Variants in ENTR1 observed in about 807,000 individuals in gnomAD.
ENTR1 encodes endosome-associated-trafficking regulator 1.
A neutral mutation model predicts 47.9 loss-of-function variants in ENTR1; 47 were observed. That is an observed-to-expected ratio of 0.98 (90% CI 0.78 to 1.25). The LOEUF is 1.25. Ranked by LOEUF, ENTR1 falls within the 50% of genes most tolerant of loss-of-function variation. ENTR1 has a pLI of 0.00. For synonymous variants in ENTR1, 290 were observed against 245.8 expected, an observed-to-expected ratio of 1.18 and a Z score of -1.68; for missense variants, 668 against 570.5, an observed-to-expected ratio of 1.17 and a Z score of -1.74.
At chr9:136,409,382 CCT>C (rs1834961733) in intron 2 of ENTR1, among the ~76,000 whole-genome samples, 1 of 152,142 alleles carries the variant, frequency 6.6e-6, no homozygotes, top group African/African-American at 2.4e-5. Context: ...GGGTTTTCAC[CCT>C]GTTAGCCAGG....
Position 136,402,774 on chromosome 9 carries a change from A to C in ENTR1, c.*14T>G. 6.3e-7 allele frequency: 1 copy of C among 1,589,722 alleles called. No individual in the cohort carries two copies. The highest frequency in any genetic ancestry group is 8.6e-7 in the Non-Finnish European group (1 of 1,159,324). ...GTATACACGGAGCTTCATGCTGAGA[A>C]CACCCAGGGGTCCTCAAGAGTCTTC... On this transcript the variant is annotated 3_prime_UTR_variant, in exon 10 of 10. Transcript: ENST00000357365.
Position 136,410,613 on chromosome 9 carries a change from A to T in ENTR1, c.-216T>A. Reference sequence around the variant, plus strand: ...ACGCCTTGGGCCGTCGGCGAGGGGGAGGGGAAGCCGTGGGCGGAAGCGGAA... The same window carrying T: ...ACGCCTTGGGCCGTCGGCGAGGGGGTGGGGAAGCCGTGGGCGGAAGCGGAA... On this transcript the variant is annotated 5_prime_UTR_variant, in exon 1 of 10. Coordinates refer to ENST00000357365, the MANE Select transcript of ENTR1 (RefSeq NM_001039707.2). 4 of 1,295,660 alleles carry T rather than the reference A, an allele frequency of 3.1e-6. No individual in the cohort carries two copies. Among genetic ancestry groups the T allele is most frequent in the Non-Finnish European group, 3.9e-6 (4 of 1,014,552 alleles). 80.3% of individuals were successfully genotyped at this position (1,295,660 alleles called of 1,614,324 possible). A position where few individuals can be genotyped will look rare whatever the true frequency, so the allele number is the denominator to read the frequency against.
chr9:136,410,474 G>T lies in ENTR1; in HGVS notation c.-77C>A, dbSNP rs1364335851. On this transcript the variant is annotated 5_prime_UTR_variant, in exon 1 of 10. Transcript: ENST00000357365. ...ATGGCCCCGGCTCCGCCCGTGCCGC[G>T]GCCCGCGTCGCCCGCCCCCGTCGCC... 3.5e-5 allele frequency: 35 copies of T among 993,144 alleles called. No homozygotes were observed. The highest frequency in any genetic ancestry group is 4.2e-5 in the Non-Finnish European group (35 of 825,042). 61.5% of individuals were successfully genotyped at this position (993,144 alleles called of 1,614,324 possible). A position where few individuals can be genotyped will look rare whatever the true frequency, so the allele number is the denominator to read the frequency against.
At chr9:136,405,454 TTGGC>T in intron 6 of ENTR1, 1 of 472,710 alleles carries the variant, frequency 2.1e-6, no homozygotes, top group South Asian at 2.3e-5. Context: ...AAAATAAACC[TTGGC>T]CAGGCGCCGT....
intron 5 of ENTR1, chr9:136,406,942 T>A: frequency 1.8e-6 from 1 of 567,410 alleles, no homozygotes; most frequent in Non-Finnish European, 3.1e-6. Context: ...AGCTTCTAGC[T>A]CACCAGTCCT....
In ENTR1 at chr9:136,404,666, C is replaced by A; in HGVS notation, c.1033G>T (p.Val345Phe). 1 of 1,614,134 alleles carries A rather than the reference C, an allele frequency of 6.2e-7. No homozygotes were observed. Residue 345 changes from valine (V) to phenylalanine (F), a missense_variant, in exon 8 of 10, where the codon GTC becomes TTC. By Grantham distance (50) the Val-to-Phe change is conservative. Transcript: ENST00000357365. The stretch of plus-strand genomic sequence containing the variant: ...CTGATTTCCTGTTTTAGTTTCACGA[C>A]GTGGTTTTCTGCCTTTACAGCCCGT... ...TKRAVKAENH[V>F]VKLKQEISLL...
rs1166270956 is a variant in ENTR1, at chr9:136,408,001, T to C, written c.290-63A>G. ...GAAGAGCGTTGAAAGGGAACCTTCC[T>C]GTTCACCTGTCTTTCCAGAGCATGG... is the stretch of plus-strand genomic sequence containing the variant. On this transcript the variant is annotated intron_variant, in intron 3 of 9. Coordinates refer to ENST00000357365, the MANE Select transcript of ENTR1 (RefSeq NM_001039707.2). 29 of 1,069,430 alleles carry C rather than the reference T, an allele frequency of 2.7e-5. No individual in the cohort carries two copies. In the East Asian group the frequency reaches 6.5e-4, roughly 24 times the overall value. 66.2% of individuals were successfully genotyped at this position (1,069,430 alleles called of 1,614,324 possible).
intron 5 of ENTR1, chr9:136,406,846 C>T (rs1834789981): frequency 3.4e-6 from 1 of 296,240 alleles, no homozygotes; most frequent in Non-Finnish European, 6.3e-6. Context: ...AATTTTCCTC[C>T]TCTTGGAATA....
In ENTR1 at chr9:136,402,828, T is replaced by C. The variant is rs1834548678; in HGVS notation, c.1268A>G (p.Asp423Gly). ...NLVAEILKSI[D>G]RISEVKDEEE... ...CTCGTCTTTAACTTCAGAAATTCTG[T>C]CTATAGATTTAAGGATTTCGGCAAC... The change falls in exon 10 of 10, where the codon GAC becomes GGC. Residue 423 changes from aspartate (D) to glycine (G), a missense_variant. Asp to Gly is a moderately conservative substitution (Grantham distance 94, BLOSUM62 -1). Transcript: ENST00000357365. 2 of 1,612,832 alleles carry C rather than the reference T, an allele frequency of 1.2e-6. No homozygotes were observed. Among genetic ancestry groups the C allele is most frequent in the Admixed American group, 1.7e-5 (1 of 59,928 alleles).
rs1181303088 is a variant in ENTR1, at chr9:136,407,273, C to A, written c.691G>T (p.Ala231Ser). ...ACGCGAGAATCAGTGTCACTCAACG[C>A]CCACGAGGGCAGAGACTCAGGCCCT... The part of the protein sequence containing the change: ...LAGPESLPSW[A>S]LSDTDSRVSP... The change falls in exon 5 of 10, where the codon GCG (alanine) becomes TCG (serine). Residue 231 changes from alanine (A) to serine (S), a missense_variant. Transcript: ENST00000357365. The A allele has an allele frequency of 6.2e-7, 1 of 1,612,804 alleles. No homozygotes were observed. The highest frequency in any genetic ancestry group is 1.3e-5 in the African/African-American group (1 of 74,938).
At chr9:136,410,270 C>A (rs1431031756) in intron 1 of ENTR1, 31 bp from the exon 2 acceptor site, 4 of 1,554,400 alleles carry the variant, frequency 2.6e-6, no homozygotes, top group Non-Finnish European at 3.5e-6. Context: ...GACTTTACTG[C>A]GTGCCGGGGC....
chr9:136,407,975 T>C lies in ENTR1; in HGVS notation c.290-37A>G, dbSNP rs755859588. 19 of 1,356,214 alleles carry C rather than the reference T, an allele frequency of 1.4e-5. No homozygotes were observed. The African/African-American group carries it at 2.6e-4, about 18-fold the overall frequency. The allele number at this position is 1,356,214 out of a possible 1,614,324, so 84.0% of individuals were successfully genotyped here. ...GACATCACAAATGCATAAAGTCTACTGAAGAGCGTTGAAAGGGAACCTTCC... is the reference window on the plus strand; with the variant it reads ...GACATCACAAATGCATAAAGTCTACCGAAGAGCGTTGAAAGGGAACCTTCC... On this transcript the variant is annotated intron_variant, in intron 3 of 9. Transcript: ENST00000357365.
chr9:136,404,959 G>A, intron 7 of ENTR1, 132 bp downstream of exon 7: 1 of 758,578 alleles, frequency 1.3e-6, no homozygotes, highest in Non-Finnish European at 2.2e-6. Flanking sequence ...CGACGTCAAA[G>A]AACACCAGTC....
intron 8 of ENTR1, 73 bp from the exon 9 acceptor site, chr9:136,404,267 C>T (rs1349271771): frequency 5.9e-6 from 9 of 1,536,902 alleles, no homozygotes; most frequent in African/African-American, 1.4e-5. Flanking sequence ...CCTGGCGAGG[C>T]GAGGGCTTAC....
At chr9:136,407,735 CCA>C (rs1238737780) in intron 4 of ENTR1, 89 bp downstream of exon 4, 30 of 1,369,840 alleles carry the variant, frequency 2.2e-5, no homozygotes, top group Non-Finnish European at 2.4e-5. Context: ...GCCTGCTCTG[CCA>C]CACTCATGCA....
chr9:136,409,150 T>A, intron 2 of ENTR1, 83 bp from the exon 3 acceptor site: 1 of 1,161,694 alleles, frequency 8.6e-7, no homozygotes. Context: ...GCACATGGAG[T>A]CTCCACTGCA....
intron 3 of ENTR1, 120 bp from the exon 4 acceptor site, chr9:136,408,058 A>C: frequency 1.5e-6 from 1 of 664,598 alleles, no homozygotes; most frequent in Non-Finnish European, 2.7e-6. Flanking sequence ...CACGCTTGTC[A>C]TTCTACCATG....
Position 136,407,448 on chromosome 9 carries a change from G to T in ENTR1, c.516C>A (p.Asp172Glu). The T allele has an allele frequency of 1.9e-6, 3 of 1,610,934 alleles. No homozygotes were observed. Among genetic ancestry groups the T allele is most frequent in the Non-Finnish European group, 2.5e-6 (3 of 1,179,834 alleles). The change falls in exon 5 of 10, where the codon GAC becomes GAA. Residue 172 changes from aspartate (D) to glutamate (E), a missense_variant. Transcript: ENST00000357365. ...PFFEDPTGAG[D>E]LLDEEEDEDT... Reference sequence around the variant, plus strand: ...CCTCATCCTCCTCCTCATCCAGGAGGTCACCAGCCCCTGTCGGATCCTCGA... The same window carrying T: ...CCTCATCCTCCTCCTCATCCAGGAGTTCACCAGCCCCTGTCGGATCCTCGA...
intron 9 of ENTR1, among the ~76,000 whole-genome samples, chr9:136,403,650 A>T (rs2131545675): frequency 6.6e-6 from 1 of 152,106 alleles, no homozygotes; most frequent in East Asian, 1.9e-4. Flanking sequence ...GGTGGCAGAC[A>T]CTCACCACTG....
Sources: gnomAD v4.1 joint callset for allele counts (sites outside exome capture counted in the v4.1 genomes callset) on GRCh38, gnomAD v4.1.1 for gene constraint, MANE v1.5 for transcripts, NCBI Gene and HGNC (gene_info 2026-07-23, HGNC 2026-07-21) for gene names.